RTKN2: variants seen among roughly 807,000 people sequenced by gnomAD.
RTKN2 encodes the protein rhotekin 2, also known as rhotekin-2.
RTKN2 carries 69 observed loss-of-function variants against 71.5 expected under a neutral mutation model. The ratio of observed to expected loss-of-function variants is 0.96; its 90% CI spans 0.79 to 1.18. The LOEUF is 1.18. Among genes scored for constraint, RTKN2 ranks in the 50% most tolerant of loss-of-function variants. The pLI, the probability that RTKN2 is intolerant of heterozygous loss-of-function variation, is 0.00. For missense variants in RTKN2, 724 were observed against 719.7 expected, an observed-to-expected ratio of 1.01 and a Z score of -0.07; for synonymous variants, 236 against 236.5, an observed-to-expected ratio of 1.00 and a Z score of 0.02.
At chr10:62,237,595 T>G (rs1423292153) in intron 5 of RTKN2, among the ~76,000 whole-genome samples, 1 of 151,942 alleles carries the variant, frequency 6.6e-6, no homozygotes, top group African/African-American at 2.4e-5. Context: ...TATGTGTAAT[T>G]TTCTGAAATG....
At chr10:62,190,880 T>C (rs1011893990), downstream of RTKN2, among the ~76,000 whole-genome samples, 11 of 152,146 alleles carry the variant, frequency 7.2e-5, no homozygotes, top group Non-Finnish European at 1.2e-4. Flanking sequence ...GCTTCAATCA[T>C]GCCTACTTGT....
intron 9 of RTKN2, among the ~76,000 whole-genome samples, chr10:62,206,174 C>G (rs1841545048): frequency 6.6e-6 from 1 of 152,088 alleles, no homozygotes; most frequent in Non-Finnish European, 1.5e-5. Context: ...AAGTGTCTAA[C>G]AGTCACTCCA....
intron 2 of RTKN2, among the ~76,000 whole-genome samples, chr10:62,257,978 G>C (rs151079010): frequency 0.011 from 1,659 of 152,212 alleles, 34 homozygotes; most frequent in African/African-American, 0.037. Flanking sequence ...CAAGCATAAA[G>C]AACAGGCAAT....
Position 62,268,650 on chromosome 10 carries a change from A to C in RTKN2, c.-40T>G. 1 of 1,543,920 alleles carries C rather than the reference A, an allele frequency of 6.5e-7. No individual in the cohort carries two copies. The highest frequency in any genetic ancestry group is 8.8e-7 in the Non-Finnish European group (1 of 1,142,798). On this transcript the variant is annotated 5_prime_UTR_variant, in exon 1 of 12. Transcript: ENST00000373789. ...GTCCGGGCCGTCGCCACTCCTTCAA[A>C]GGGAAGATTTGAAAAGCCCGCCCCT... is the stretch of plus-strand genomic sequence containing the variant.
intron 3 of RTKN2, among the ~76,000 whole-genome samples, chr10:62,241,716 T>C (rs995014139): frequency 6.6e-6 from 1 of 152,132 alleles, no homozygotes; most frequent in African/African-American, 2.4e-5. Flanking sequence ...GTAGCTGAGA[T>C]TACAGGTGTG....
chr10:62,241,150 T>A lies in RTKN2; in HGVS notation c.362A>T (p.Asn121Ile), dbSNP rs1331317486. The A allele has an allele frequency of 6.5e-7, 1 of 1,545,870 alleles. No homozygotes were observed. The highest frequency in any genetic ancestry group is 1.1e-5 in the South Asian group (1 of 87,332). The stretch of plus-strand genomic sequence containing the variant: ...ATTAAAATCATACATACGTTCTTTA[T>A]TGCTGAAGTGATCAGAGTCTTTCCA... The part of the protein sequence containing the change: ...LMWKDSDHFS[N>I]KERSRRYAIF... Residue 121 changes from asparagine to isoleucine, a missense_variant, in exon 4 of 12, where the codon AAT becomes ATT. Coordinates refer to ENST00000373789, the MANE Select transcript of RTKN2 (RefSeq NM_145307.4).
At position 62,268,541 on chromosome 10, in the gene RTKN2, C is replaced by T; in HGVS notation, c.60+10G>A. ...TCACCTTCCGCGGCAGGGTCCCTCC[C>T]GCAACTCACCTGCTGGGTGGGAAGC... On this transcript the variant is annotated intron_variant, in intron 1 of 11. Coordinates refer to ENST00000373789, the MANE Select transcript of RTKN2 (RefSeq NM_145307.4). The T allele has an allele frequency of 6.4e-7, 1 of 1,553,466 alleles. No individual in the cohort carries two copies. Among genetic ancestry groups the T allele is most frequent in the South Asian group, 1.2e-5 (1 of 84,236 alleles).
In RTKN2 at chr10:62,195,430, GT is replaced by G; in HGVS notation, c.*2477del. On this transcript the variant is annotated 3_prime_UTR_variant, in exon 12 of 12. Coordinates refer to ENST00000373789, the MANE Select transcript of RTKN2 (RefSeq NM_145307.4). ...TTCTTTTGAAACACTCTTTGACACAGTGCTTAACTATTTTTAGATTTTTTTT... is the reference window on the plus strand; with the variant it reads ...TTCTTTTGAAACACTCTTTGACACAGGCTTAACTATTTTTAGATTTTTTTT... 1.0e-6 allele frequency: 1 copy of G among 981,884 alleles called. No homozygotes were observed. Among genetic ancestry groups the G allele is most frequent in the Non-Finnish European group, 1.2e-6 (1 of 826,892 alleles). 60.8% of individuals were successfully genotyped at this position (981,884 alleles called of 1,614,324 possible).
chr10:62,184,177 A>G (rs1307076140), exon 9 of RTKN2: 3 of 568,030 alleles, frequency 5.3e-6, no homozygotes, highest in Non-Finnish European at 9.3e-6. Context: ...TAAGGTCACT[A>G]TTATGTGTCA....
intron 8 of RTKN2, chr10:62,184,442 G>T: frequency 1.1e-6 from 1 of 904,898 alleles, no homozygotes; most frequent in South Asian, 1.7e-5. Context: ...GAGAAAACCA[G>T]AAAGTCACCA....
chr10:62,227,005 G>A (rs182667897), intron 6 of RTKN2, among the ~76,000 whole-genome samples: 45 of 152,214 alleles, frequency 3.0e-4, no homozygotes, highest in Non-Finnish European at 4.9e-4. Flanking sequence ...ACATTATAAC[G>A]TTTCCCACTT....
At position 62,197,946 on chromosome 10, in the gene RTKN2, T is replaced by A. The variant is rs148375207; in HGVS notation, c.1792A>T (p.Ile598Phe). Residue 598 changes from isoleucine (I) to phenylalanine (F), a missense_variant, in exon 12 of 12, where the codon ATT (isoleucine) becomes TTT (phenylalanine). Physicochemically the swap from Ile to Phe is conservative, Grantham distance 21. Transcript: ENST00000373789. ...PAPRQKSIKD[I>F]LDPRSWLQAQ... is the part of the protein sequence containing the mutation. ...TGCAGCCATGATCTAGGGTCCAGAATGTCTTTGATGGATTTCTGCCTTGGA... is the reference window on the plus strand; with the variant it reads ...TGCAGCCATGATCTAGGGTCCAGAAAGTCTTTGATGGATTTCTGCCTTGGA... 1.9e-6 allele frequency: 3 copies of A among 1,614,010 alleles called. No homozygotes were observed. The highest frequency in any genetic ancestry group is 2.2e-5 in the South Asian group (2 of 91,066).
At chr10:62,204,759 T>C in intron 10 of RTKN2, 98 bp downstream of exon 10, 1 of 863,984 alleles carries the variant, frequency 1.2e-6, no homozygotes, top group East Asian at 2.9e-5. Context: ...CATAAAAAAT[T>C]TTTGCTACAA....
At chr10:62,244,550 T>A (rs1208208875) in intron 3 of RTKN2, among the ~76,000 whole-genome samples, 2 of 151,958 alleles carry the variant, frequency 1.3e-5, no homozygotes, top group African/African-American at 2.4e-5. Flanking sequence ...ACTTAACATA[T>A]GTCATTTATA....
At chr10:62,245,196 A>G (rs536354615) in intron 3 of RTKN2, among the ~76,000 whole-genome samples, 16 of 152,248 alleles carry the variant, frequency 1.1e-4, no homozygotes, top group Middle Eastern at 3.4e-3. Context: ...GCACAGCATA[A>G]GTGCCATCTA....
In RTKN2 at chr10:62,196,170, A is replaced by T. The variant is rs1841327253; in HGVS notation, c.*1738T>A. On this transcript the variant is annotated 3_prime_UTR_variant, in exon 12 of 12. Transcript: ENST00000373789. ...CAAAAACAGCAATGAAGTTTTAAAAAATAACCCAAAAATTCAAACAATAAT... is the reference window on the plus strand; with the variant it reads ...CAAAAACAGCAATGAAGTTTTAAAATATAACCCAAAAATTCAAACAATAAT... The T allele has an allele frequency of 1.0e-6, 1 of 980,214 alleles. No individual in the cohort carries two copies. The highest frequency in any genetic ancestry group is 6.2e-5 in the Admixed American group (1 of 16,252). 60.7% of individuals were successfully genotyped at this position (980,214 alleles called of 1,614,324 possible). A position where few individuals can be genotyped will look rare whatever the true frequency, so the allele number is the denominator to read the frequency against.
chr10:62,206,142 C>G (rs1487527673), intron 9 of RTKN2, among the ~76,000 whole-genome samples: 1 of 152,072 alleles, frequency 6.6e-6, no homozygotes, highest in East Asian at 1.9e-4. Context: ...CAGCACATCT[C>G]GATCTGGACC....
At chr10:62,203,344 T>A (rs891892763) in intron 10 of RTKN2, among the ~76,000 whole-genome samples, 31 of 9,870 alleles carry the variant, frequency 3.1e-3, no homozygotes, top group African/African-American at 0.023. Flanking sequence ...TCTGCTGAAT[T>A]TTTTTTTTTT....
chr10:62,259,289 C>T (rs186754081), intron 2 of RTKN2: 135 of 385,782 alleles, frequency 3.5e-4, no homozygotes, highest in African/African-American at 2.5e-3. Context: ...TACTCAGTCT[C>T]GGGTATATCT....
Sources: allele counts gnomAD v4.1 joint callset (sites outside exome capture counted in the v4.1 genomes callset), GRCh38; gene constraint gnomAD v4.1.1; transcripts MANE v1.5; gene names NCBI Gene and HGNC (gene_info 2026-07-23, HGNC 2026-07-21).